Variants in DEPDC5 observed in about 807,000 individuals in gnomAD.
DEPDC5 encodes DEP domain containing 5, GATOR1 subcomplex subunit.
Under a neutral mutation model 217.3 loss-of-function variants are expected in DEPDC5, and 73 were observed. That is an observed-to-expected ratio of 0.34 (90% CI 0.28 to 0.41). The LOEUF is 0.41. Among genes scored for constraint, DEPDC5 ranks in the 10% least tolerant of loss-of-function variants. The probability of loss-of-function intolerance (pLI) is 1.00; values close to 1 mark genes in which losing one functional copy is unlikely to be tolerated. For missense variants in DEPDC5, 1,675 were observed against 2,070.1 expected (o/e 0.81, Z 3.70); for synonymous variants, 733 against 756.7 (o/e 0.97, Z 0.51).
chr22:31,767,304 C>G (rs1057179399), intron 6 of DEPDC5, among the ~76,000 whole-genome samples: 1 of 151,836 alleles, frequency 6.6e-6, no homozygotes, highest in Non-Finnish European at 1.5e-5. Context: ...CCATGCCCGG[C>G]TAATTTTTTT....
intron 27 of DEPDC5, among the ~76,000 whole-genome samples, chr22:31,842,813 G>A (rs2091477173): frequency 6.6e-6 from 1 of 152,130 alleles, no homozygotes; most frequent in Non-Finnish European, 1.5e-5. Flanking sequence ...TTCCTCTCCA[G>A]AGGATGAGGT....
In DEPDC5 at chr22:31,768,846, G is replaced by A; in HGVS notation, c.396G>A (p.Val132=). 2 of 1,613,570 alleles carry A rather than the reference G, an allele frequency of 1.2e-6. No individual in the cohort carries two copies. Among genetic ancestry groups the A allele is most frequent in the Non-Finnish European group, 1.7e-6 (2 of 1,179,806 alleles). Residue 132 remains valine (V), a synonymous_variant, in exon 7 of 43, where the codon GTG becomes GTA. Transcript: ENST00000651528. ...VSTCAYITQK[V]EFAGIRAQAG... ...CATGTGCCTATATCACCCAGAAGGT[G>A]GAGTTTGCTGGCATCAGGTAGATAT...
intron 38 of DEPDC5, among the ~76,000 whole-genome samples, chr22:31,886,755 CAAAAAAAAAAA>C (rs1224610835): frequency 1.9e-5 from 1 of 52,122 alleles, no homozygotes; most frequent in African/African-American, 5.7e-5. Context: ...GTCTCCATCT[CAAAAAAAAAAA>C]AAAAAAAAAA....
At chr22:31,877,553 T>G in intron 37 of DEPDC5, among the ~76,000 whole-genome samples, 1 of 140,230 alleles carries the variant, frequency 7.1e-6, no homozygotes, top group Admixed American at 7.4e-5. Context: ...AGTTGGAGAC[T>G]AGCCTGGCCA....
intron 34 of DEPDC5, among the ~76,000 whole-genome samples, chr22:31,871,871 C>T (rs919664232): frequency 5.3e-5 from 8 of 152,174 alleles, no homozygotes; most frequent in Non-Finnish European, 1.2e-4. Context: ...ATGGGCTGCA[C>T]TTAGAGGTGC....
chr22:31,860,328 T>G (rs567289071), intron 32 of DEPDC5, among the ~76,000 whole-genome samples: 1 of 152,218 alleles, frequency 6.6e-6, no homozygotes, highest in Non-Finnish European at 1.5e-5. Context: ...TATTGGAGTT[T>G]GCAGTCACTT....
intron 7 of DEPDC5, among the ~76,000 whole-genome samples, chr22:31,773,408 C>G (rs776044571): frequency 6.6e-6 from 1 of 152,002 alleles, no homozygotes. Flanking sequence ...TCACTATGTT[C>G]CTCAGGCTGG....
chr22:31,761,838 T>C (rs1455761640), intron 4 of DEPDC5, among the ~76,000 whole-genome samples: 1 of 151,334 alleles, frequency 6.6e-6, no homozygotes, highest in Non-Finnish European at 1.5e-5. Flanking sequence ...TGTGGTGGCA[T>C]GCACCTATAA....
chr22:31,889,452 C>G (rs925936846), intron 38 of DEPDC5, among the ~76,000 whole-genome samples: 1 of 151,368 alleles, frequency 6.6e-6, no homozygotes, highest in Non-Finnish European at 1.5e-5. Flanking sequence ...GAGGCCACTG[C>G]TGGTATTTAT....
At chr22:31,830,091 A>G (rs537861952) in intron 24 of DEPDC5, among the ~76,000 whole-genome samples, 59 of 152,368 alleles carry the variant, frequency 3.9e-4, no homozygotes, top group African/African-American at 1.3e-3. Context: ...TCATTTCTCC[A>G]GGCCAGGTCA....
Position 31,764,961 on chromosome 22 carries a change from T to C in DEPDC5, c.194-14T>C. The stretch of plus-strand genomic sequence containing the variant: ...AAAATATGTTATCTGAGCCAGATAT[T>C]GTTTCTGTTTTAGAAACTATCAGTG... On this transcript the variant is annotated splice_polypyrimidine_tract_variant and intron_variant, in intron 4 of 42. Coordinates refer to ENST00000651528, the MANE Select transcript of DEPDC5 (RefSeq NM_001242896.3). 2 of 1,603,116 alleles carry C rather than the reference T, an allele frequency of 1.2e-6. No individual in the cohort carries two copies. The highest frequency in any genetic ancestry group is 1.7e-6 in the Non-Finnish European group (2 of 1,170,058).
At chr22:31,843,622 G>C in intron 28 of DEPDC5, 23 bp from the exon 29 acceptor site, 1 of 1,578,800 alleles carries the variant, frequency 6.3e-7, no homozygotes, top group Non-Finnish European at 8.7e-7. Flanking sequence ...TTTGAATTTG[G>C]GGACCTGCCC....
At chr22:31,823,532 CAAAAAAA>C (rs375009177) in intron 24 of DEPDC5, among the ~76,000 whole-genome samples, 2 of 52,248 alleles carry the variant, frequency 3.8e-5, no homozygotes, top group South Asian at 5.5e-4. Flanking sequence ...GACTCCATCT[CAAAAAAA>C]AAAAAAAAAA....
intron 24 of DEPDC5, chr22:31,831,142 T>G (rs1364994694): frequency 2.0e-5 from 3 of 152,046 alleles, no homozygotes; most frequent in Non-Finnish European, 4.4e-5. Context: ...GTGCCCCAGA[T>G]GGATAGTCAA....
intron 41 of DEPDC5, among the ~76,000 whole-genome samples, chr22:31,903,916 C>G (rs1673223563): frequency 6.6e-6 from 1 of 151,924 alleles, no homozygotes; most frequent in African/African-American, 2.4e-5. Flanking sequence ...TCTATAATGC[C>G]TAGCAAGGTG....
At chr22:31,884,094 G>A (rs190100667) in intron 38 of DEPDC5, among the ~76,000 whole-genome samples, 195 of 152,110 alleles carry the variant, frequency 1.3e-3, no homozygotes, top group Non-Finnish European at 4.1e-4. Context: ...TTTGAGCCCC[G>A]CTCCCCACCC....
intron 7 of DEPDC5, among the ~76,000 whole-genome samples, chr22:31,772,655 A>G (rs1397277504): frequency 6.6e-6 from 1 of 152,130 alleles, no homozygotes; most frequent in Non-Finnish European, 1.5e-5. Context: ...GCCATATGAA[A>G]ACAGGAGATA....
intron 32 of DEPDC5, among the ~76,000 whole-genome samples, chr22:31,859,923 G>T (rs957940414): frequency 1.3e-5 from 2 of 152,214 alleles, no homozygotes; most frequent in African/African-American, 4.8e-5. Context: ...CTGGCAGTTA[G>T]AAGGGACACA....
In DEPDC5 at chr22:31,906,628, TTG is replaced by T; in HGVS notation, c.*133_*134del. 2 of 950,882 alleles carry T rather than the reference TTG, an allele frequency of 2.1e-6. No homozygotes were observed. The highest frequency in any genetic ancestry group is 3.0e-6 in the Non-Finnish European group (2 of 659,122). 58.9% of individuals were successfully genotyped at this position (950,882 alleles called of 1,614,324 possible). ...ATCAGTGAGTGGGGGCCATTGTTTT[TTG>T]TTTGTTTGTTTGTTTGTTTGTTTGT... On this transcript the variant is annotated 3_prime_UTR_variant, in exon 43 of 43. Coordinates refer to ENST00000651528, the MANE Select transcript of DEPDC5 (RefSeq NM_001242896.3). This position sits in a 1 kb window ranked among gnomAD's most constrained non-coding sequence, Gnocchi z 5.1.
Sources: allele counts gnomAD v4.1 joint callset (sites outside exome capture counted in the v4.1 genomes callset), GRCh38; gene constraint gnomAD v4.1.1; non-coding constraint Gnocchi (gnomAD v3.1); transcripts MANE v1.5; gene names NCBI Gene and HGNC (gene_info 2026-07-23, HGNC 2026-07-21).